CAVIN2: variants seen among roughly 807,000 people sequenced by gnomAD.
CAVIN2 encodes caveolae-associated protein 2.
In CAVIN2, 13 loss-of-function variants were observed where a neutral mutation model predicts 11.7. The observed-to-expected ratio is 1.11, with a 90% CI of 0.72 to 1.77. The LOEUF is 1.77. CAVIN2 is among the 40% of genes most tolerant of loss of function. The pLI is 0.00. For missense variants in CAVIN2, 549 were observed against 542.9 expected, an observed-to-expected ratio of 1.01 and a Z score of -0.11; for synonymous variants, 237 against 223.2, an observed-to-expected ratio of 1.06 and a Z score of -0.55.
intron 1 of CAVIN2, among the ~76,000 whole-genome samples, chr2:191,837,387 G>A (rs184334036): frequency 6.6e-6 from 1 of 152,184 alleles, no homozygotes. Context: ...CCTTTGGGGA[G>A]TTACTAAGCG....
chr2:191,838,041 CT>C (rs1690046940), intron 1 of CAVIN2, among the ~76,000 whole-genome samples: 1 of 152,238 alleles, frequency 6.6e-6, no homozygotes, highest in Admixed American at 6.5e-5. Context: ...CCAGACCCCC[CT>C]GCCACCTCTC....
In CAVIN2 at chr2:191,835,601, A is replaced by C. The variant is rs1272007909; in HGVS notation, c.*322T>G. The C allele has an allele frequency of 3.4e-6, 1 of 292,334 alleles. No individual in the cohort carries two copies. Among genetic ancestry groups the C allele is most frequent in the Non-Finnish European group, 6.4e-6 (1 of 156,238 alleles). The allele number at this position is 292,334 out of a possible 1,614,324, so 18.1% of individuals were successfully genotyped here. The stretch of plus-strand genomic sequence containing the variant: ...GACAAAAAAGAATGAATCACTTTTC[A>C]TGACTAGTATCTTAATTATCCTCTG... On this transcript the variant is annotated 3_prime_UTR_variant, in exon 2 of 2. Transcript: ENST00000304141.
rs1690174495 is a variant in CAVIN2 at position 191,846,749 on chromosome 2, G to C, written c.177C>G (p.Leu59=). The change falls in exon 1 of 2, where the codon CTC becomes CTG. Residue 59 remains leucine (L), a synonymous_variant. Transcript: ENST00000304141. Reference sequence around the variant, plus strand: ...TGTTCACCAGCTTGTCCAGGAGCGTGAGCACCGTGACTGCGTTCACCTGTG... The same window carrying C: ...TGTTCACCAGCTTGTCCAGGAGCGTCAGCACCGTGACTGCGTTCACCTGTG... The part of the protein sequence containing the change: ...DNSQVNAVTV[L]TLLDKLVNML... 1 of 1,614,178 alleles carries C rather than the reference G, an allele frequency of 6.2e-7. No homozygotes were observed. Among genetic ancestry groups the C allele is most frequent in the Non-Finnish European group, 8.5e-7 (1 of 1,180,038 alleles).
chr2:191,842,020 T>G (rs1433816840), intron 1 of CAVIN2, among the ~76,000 whole-genome samples: 2 of 152,204 alleles, frequency 1.3e-5, no homozygotes, highest in Non-Finnish European at 2.9e-5. Context: ...TGAAGGCGTC[T>G]TTTATTACCT....
Position 191,836,232 on chromosome 2 carries a change from C to T in CAVIN2, c.969G>A (p.Gln323=). The change falls in exon 2 of 2, where the codon CAG becomes CAA. Residue 323 remains glutamine (Q), a synonymous_variant. Transcript: ENST00000304141. The part of the protein sequence containing the change: ...TKSEDLPSSE[Q]MPNDQEEESF... ...ACTCCTCTTCCTGGTCATTTGGCAT[C>T]TGCTCACTGCTAGGCAGGTCTTCTG... is the stretch of plus-strand genomic sequence containing the variant. 1.2e-6 allele frequency: 2 copies of T among 1,614,116 alleles called. No individual in the cohort carries two copies. Among genetic ancestry groups the T allele is most frequent in the Non-Finnish European group, 1.7e-6 (2 of 1,180,042 alleles).
intron 1 of CAVIN2, among the ~76,000 whole-genome samples, chr2:191,840,462 C>A (rs577111787): frequency 2.8e-4 from 43 of 152,232 alleles, no homozygotes; most frequent in African/African-American, 9.9e-4. Context: ...TCACGAGAAC[C>A]CTTAGGAGTT....
At position 191,835,650 on chromosome 2, in the gene CAVIN2, G is replaced by T; in HGVS notation, c.*273C>A. 4.7e-6 allele frequency: 2 copies of T among 424,154 alleles called. No individual in the cohort carries two copies. The highest frequency in any genetic ancestry group is 8.4e-6 in the Non-Finnish European group (2 of 238,304). 26.3% of individuals were successfully genotyped at this position (424,154 alleles called of 1,614,324 possible). On this transcript the variant is annotated 3_prime_UTR_variant, in exon 2 of 2. Transcript: ENST00000304141. ...TGTTTTTTTCTGACTAAGTCAAAGA[G>T]ATTAGCATTTTTCAACTGCTCAGTT...
intron 1 of CAVIN2, among the ~76,000 whole-genome samples, chr2:191,840,605 G>A (rs1690079714): frequency 6.6e-6 from 1 of 152,104 alleles, no homozygotes; most frequent in Admixed American, 6.5e-5. Flanking sequence ...TGTTCATATC[G>A]ATCCTAGTGA....
In CAVIN2 at chr2:191,836,325, A is replaced by G. The variant is rs758362173; in HGVS notation, c.876T>C (p.Val292=). 1 of 1,613,908 alleles carries G rather than the reference A, an allele frequency of 6.2e-7. No individual in the cohort carries two copies. The highest frequency in any genetic ancestry group is 1.3e-5 in the African/African-American group (1 of 74,860). ...ISSGKSSPFK[V]SPLTFGRKKV... ...TCTTCCGCCCGAAAGTGAGGGGAGA[A>G]ACCTTGAAGGGGGAGCTTTTTCCTG... The change falls in exon 2 of 2, where the codon GTT becomes GTC. Residue 292 remains valine (V), a synonymous_variant. Coordinates refer to ENST00000304141, the MANE Select transcript of CAVIN2 (RefSeq NM_004657.6).
Position 191,835,924 on chromosome 2 carries a change from CAGG to C in CAVIN2, c.1274_1276del (p.Ser425del), listed in dbSNP as rs764563450. 1.5e-5 allele frequency: 24 copies of C among 1,609,786 alleles called. No homozygotes were observed. The highest frequency in any genetic ancestry group is 6.7e-5 in the African/African-American group (5 of 74,940). On this transcript the variant is annotated inframe_deletion, in exon 2 of 2. Transcript: ENST00000304141. ...CAGGATGGCACGGTGGCTCTAAGCT[CAGG>C]AGGTCTGGTGCACCTGGAGCACGGC...
At chr2:191,841,999 G>A (rs1229231397) in intron 1 of CAVIN2, among the ~76,000 whole-genome samples, 4 of 152,174 alleles carry the variant, frequency 2.6e-5, no homozygotes, top group African/African-American at 9.6e-5. Flanking sequence ...GAAACATGGC[G>A]AGTTGTCATA....
intron 1 of CAVIN2, among the ~76,000 whole-genome samples, chr2:191,840,633 T>C (rs573220298): frequency 5.9e-5 from 9 of 152,336 alleles, no homozygotes; most frequent in African/African-American, 1.7e-4. Context: ...GTCCTATTTG[T>C]ATCAACACAG....
At chr2:191,837,341 G>C (rs1690038588) in intron 1 of CAVIN2, among the ~76,000 whole-genome samples, 1 of 152,172 alleles carries the variant, frequency 6.6e-6, no homozygotes, top group Admixed American at 6.5e-5. Flanking sequence ...TAGGCTTCCT[G>C]GGGGTGCACT....
chr2:191,835,921 G>T lies in CAVIN2; in HGVS notation c.*2C>A, dbSNP rs140515972. ...GCACAGGATGGCACGGTGGCTCTAA[G>T]CTCAGGAGGTCTGGTGCACCTGGAG... On this transcript the variant is annotated 3_prime_UTR_variant, in exon 2 of 2. Transcript: ENST00000304141. The T allele has an allele frequency of 1.4e-5, 23 of 1,608,996 alleles. No individual in the cohort carries two copies. Among genetic ancestry groups the T allele is most frequent in the Non-Finnish European group, 2.0e-5 (23 of 1,178,804 alleles).
At chr2:191,845,459 A>G (rs191811114) in intron 1 of CAVIN2, among the ~76,000 whole-genome samples, 2 of 152,254 alleles carry the variant, frequency 1.3e-5, no homozygotes, top group East Asian at 3.9e-4. Flanking sequence ...TCTCCTATTC[A>G]TATGGTCACA....
chr2:191,835,947 C>A lies in CAVIN2; in HGVS notation c.1254G>T (p.Val418=). 1 of 1,612,978 alleles carries A rather than the reference C, an allele frequency of 6.2e-7. No homozygotes were observed. The highest frequency in any genetic ancestry group is 1.7e-4 in the Middle Eastern group (1 of 6,056). Reference sequence around the variant, plus strand: ...CTCAGGAGGTCTGGTGCACCTGGAGCACGGCGGGCTGCACGGGGTCCCCAT... The same window carrying A: ...CTCAGGAGGTCTGGTGCACCTGGAGAACGGCGGGCTGCACGGGGTCCCCAT... ...RSDGDPVQPA[V]LQVHQTS The change falls in exon 2 of 2, where the codon GTG becomes GTT. Residue 418 remains valine (V), a synonymous_variant. Transcript: ENST00000304141.
chr2:191,845,154 G>C (rs555867621), intron 1 of CAVIN2, among the ~76,000 whole-genome samples: 14 of 152,290 alleles, frequency 9.2e-5, no homozygotes, highest in Admixed American at 8.5e-4. Flanking sequence ...TGCATTAAAA[G>C]CTGAAAAGTT....
In CAVIN2 at chr2:191,834,432, T is replaced by A. The variant is rs947701482; in HGVS notation, c.*1491A>T. ...ATAGCTGAATAGGTTATGCCATCAA[T>A]ATGTTTGTTAATCCTATCCCTTTTA... On this transcript the variant is annotated 3_prime_UTR_variant, in exon 2 of 2. Transcript: ENST00000304141. 1.3e-5 allele frequency: 2 copies of A among 152,200 alleles called. No homozygotes were observed. Among genetic ancestry groups the A allele is most frequent in the Non-Finnish European group, 2.9e-5 (2 of 68,022 alleles). The allele number at this position is 152,200 out of a possible 1,614,324, so 9.4% of individuals were successfully genotyped here. A position where few individuals can be genotyped will look rare whatever the true frequency, so the allele number is the denominator to read the frequency against.
chr2:191,836,311 A>C lies in CAVIN2; in HGVS notation c.890T>G (p.Phe297Cys), dbSNP rs765149651. Residue 297 changes from phenylalanine (F) to cysteine (C), a missense_variant, in exon 2 of 2, where the codon TTC becomes TGC. Phe to Cys is a radical substitution (Grantham distance 205, BLOSUM62 -2). Transcript: ENST00000304141. Reference sequence around the variant, plus strand: ...TCCCTCTCGGACTTTCTTCCGCCCGAAAGTGAGGGGAGAAACCTTGAAGGG... The same window carrying C: ...TCCCTCTCGGACTTTCTTCCGCCCGCAAGTGAGGGGAGAAACCTTGAAGGG... ...SSPFKVSPLT[F>C]GRKKVREGES... The C allele has an allele frequency of 6.2e-7, 1 of 1,614,018 alleles. No individual in the cohort carries two copies.
Sources: allele counts gnomAD v4.1 joint callset (sites outside exome capture counted in the v4.1 genomes callset), GRCh38; gene constraint gnomAD v4.1.1; transcripts MANE v1.5; gene names NCBI Gene and HGNC (gene_info 2026-07-23, HGNC 2026-07-21).